Variants in SLC30A8 observed in about 807,000 individuals in gnomAD.
The protein encoded by SLC30A8 is solute carrier family 30 member 8, also known as proton-coupled zinc antiporter SLC30A8.
Under a neutral mutation model 36.9 loss-of-function variants are expected in SLC30A8, and 27 were observed. The observed-to-expected ratio is 0.73, with a 90% confidence interval of 0.54 to 1.01. The LOEUF (loss-of-function observed/expected upper bound fraction) is 1.01, where lower values mean the gene tolerates loss of function less well. SLC30A8 is among the 50% of genes least tolerant of loss of function. The probability of loss-of-function intolerance (pLI) is 0.00; values close to 1 mark genes in which losing one functional copy is unlikely to be tolerated. For missense variants in SLC30A8, 439 were observed against 452.0 expected, an observed-to-expected ratio of 0.97 and a Z score of 0.26; for synonymous variants, 164 against 172.4, an observed-to-expected ratio of 0.95 and a Z score of 0.38.
At chr8:117,134,556 TTC>T (rs1216538893), upstream of SLC30A8, among the ~76,000 whole-genome samples, 204 of 152,094 alleles carry the variant, frequency 1.3e-3, 1 homozygote, top group African/African-American at 4.8e-3. Flanking sequence ...CTGATAGGGT[TTC>T]CTTGGGTGAA....
At chr8:117,140,548 A>G (rs1434950101) in intron 1 of SLC30A8, among the ~76,000 whole-genome samples, 1 of 152,104 alleles carries the variant, frequency 6.6e-6, no homozygotes, top group Non-Finnish European at 1.5e-5. Flanking sequence ...TGATCAGATT[A>G]ACAGCCAACT....
At chr8:116,976,230 T>C (rs1815001390) in intron 1 of SLC30A8, among the ~76,000 whole-genome samples, 1 of 149,810 alleles carries the variant, frequency 6.7e-6, no homozygotes, top group African/African-American at 2.5e-5. Context: ...GTGAAGCTGG[T>C]AAGTTCTCTC....
intron 2 of SLC30A8, among the ~76,000 whole-genome samples, chr8:117,071,101 A>C (rs555259962): frequency 1.3e-5 from 2 of 152,268 alleles, no homozygotes; most frequent in Admixed American, 1.3e-4. Flanking sequence ...TTCTATTTTT[A>C]ATTATTTGAG....
intron 1 of SLC30A8, among the ~76,000 whole-genome samples, chr8:116,997,222 A>G (rs1815852042): frequency 6.6e-6 from 1 of 152,216 alleles, no homozygotes. Context: ...CTAATGGGTT[A>G]CAAAATGAGG....
intron 2 of SLC30A8, among the ~76,000 whole-genome samples, chr8:117,121,521 T>C (rs1455274705): frequency 1.3e-5 from 2 of 151,878 alleles, no homozygotes; most frequent in African/African-American, 4.8e-5. Context: ...CACATGATTC[T>C]CTCTTGTGCC....
intron 2 of SLC30A8, among the ~76,000 whole-genome samples, chr8:117,069,231 A>G (rs1818256961): frequency 6.6e-6 from 1 of 152,256 alleles, no homozygotes; most frequent in African/African-American, 2.4e-5. Flanking sequence ...GGAATTAGAA[A>G]TGAGAGGATA....
At chr8:117,121,810 T>C (rs11778222) in intron 2 of SLC30A8, among the ~76,000 whole-genome samples, 17,386 of 151,890 alleles carry the variant, frequency 0.11, 1,268 homozygotes, top group Non-Finnish European at 0.16. Flanking sequence ...AAGCAAAAAG[T>C]AGAATGATAG....
chr8:117,135,418 G>C lies in SLC30A8; in HGVS notation c.71+20G>C, dbSNP rs866348701. 5.8e-6 allele frequency: 9 copies of C among 1,551,948 alleles called. No individual in the cohort carries two copies. The Middle Eastern group carries it at 1.5e-3, about 266-fold the overall frequency. On this transcript the variant is annotated intron_variant, in intron 1 of 7. Transcript: ENST00000456015. ...AGAAAGGTAATAGATGTCTGTGTCT[G>C]CTTCACAATTTTCTCTGTTGAATAT...
At chr8:116,978,805 C>T (rs1346653774) in intron 1 of SLC30A8, among the ~76,000 whole-genome samples, 1 of 152,076 alleles carries the variant, frequency 6.6e-6, no homozygotes, top group Non-Finnish European at 1.5e-5. Flanking sequence ...TCTCCAGCAG[C>T]CTTAAGAATG....
At chr8:117,113,144 A>C (rs1371286540) in intron 2 of SLC30A8, among the ~76,000 whole-genome samples, 1 of 152,198 alleles carries the variant, frequency 6.6e-6, no homozygotes, top group Non-Finnish European at 1.5e-5. Flanking sequence ...AGAGAAATAC[A>C]GACAAACGGA....
intron 4 of SLC30A8, among the ~76,000 whole-genome samples, chr8:117,160,450 C>CGT (rs1822731264): frequency 2.1e-5 from 3 of 142,452 alleles, no homozygotes; most frequent in African/African-American, 8.2e-5. Flanking sequence ...CACATGTGCG[C>CGT]GCGGTGGGGG....
At chr8:117,059,631 T>C (rs1817971521) in intron 2 of SLC30A8, among the ~76,000 whole-genome samples, 1 of 152,174 alleles carries the variant, frequency 6.6e-6, no homozygotes, top group Non-Finnish European at 1.5e-5. Flanking sequence ...TGACCTTTCT[T>C]GGTTTCTACT....
intron 1 of SLC30A8, among the ~76,000 whole-genome samples, chr8:116,957,777 G>A (rs1350984564): frequency 6.6e-6 from 1 of 152,166 alleles, no homozygotes; most frequent in Non-Finnish European, 1.5e-5. Context: ...AACTAGACTG[G>A]TGCTGACATG....
At chr8:116,986,697 A>G (rs1815453942) in intron 1 of SLC30A8, among the ~76,000 whole-genome samples, 1 of 152,240 alleles carries the variant, frequency 6.6e-6, no homozygotes, top group Admixed American at 6.5e-5. Flanking sequence ...GTCATCAGCA[A>G]CCACAGTGCA....
chr8:117,065,379 TTATTTA>T, intron 2 of SLC30A8, among the ~76,000 whole-genome samples: 1 of 152,310 alleles, frequency 6.6e-6, no homozygotes, highest in Non-Finnish European at 1.5e-5. Context: ...AGGAAGGATA[TTATTTA>T]TATTAATAGA....
chr8:116,965,089 A>G (rs1017295427), intron 1 of SLC30A8, among the ~76,000 whole-genome samples: 1 of 152,156 alleles, frequency 6.6e-6, no homozygotes, highest in Non-Finnish European at 1.5e-5. Flanking sequence ...GGCGTGCACC[A>G]TCATGCTCAG....
At chr8:117,046,158 T>C (rs1344880410) in intron 2 of SLC30A8, among the ~76,000 whole-genome samples, 7 of 152,104 alleles carry the variant, frequency 4.6e-5, no homozygotes, top group African/African-American at 1.7e-4. Context: ...TTGAGGCATG[T>C]TGAGAGAAAT....
chr8:117,100,226 G>A (rs1819647649), intron 2 of SLC30A8, among the ~76,000 whole-genome samples: 1 of 152,006 alleles, frequency 6.6e-6, no homozygotes, highest in Non-Finnish European at 1.5e-5. Flanking sequence ...AAATTTTAGT[G>A]GATGGGTATT....
intron 1 of SLC30A8, among the ~76,000 whole-genome samples, chr8:116,953,714 T>C (rs1253572392): frequency 6.6e-6 from 1 of 152,250 alleles, no homozygotes; most frequent in Non-Finnish European, 1.5e-5. Flanking sequence ...TGCTGGGTTT[T>C]GTAGCATTTT....
Sources: gnomAD v4.1 joint callset for allele counts (sites outside exome capture counted in the v4.1 genomes callset) on GRCh38, gnomAD v4.1.1 for gene constraint, MANE v1.5 for transcripts, NCBI Gene and HGNC (gene_info 2026-07-23, HGNC 2026-07-21) for gene names.